SH3GL2: variants seen among roughly 807,000 people sequenced by gnomAD.
SH3GL2 encodes the protein endophilin-A1.
SH3GL2 carries 24 observed loss-of-function variants against 46.0 expected under a neutral mutation model. That is an observed-to-expected ratio of 0.52 (90% CI 0.38 to 0.73). The LOEUF (loss-of-function observed/expected upper bound fraction) is 0.73, where lower values mean the gene tolerates loss of function less well. Among genes scored for constraint, SH3GL2 ranks in the 30% least tolerant of loss-of-function variants. The pLI, the probability that SH3GL2 is intolerant of heterozygous loss-of-function variation, is 0.00. For synonymous variants in SH3GL2, 196 were observed against 147.1 expected, an observed-to-expected ratio of 1.33 and a Z score of -2.40; for missense variants, 413 against 424.2, an observed-to-expected ratio of 0.97 and a Z score of 0.23.
Position 17,623,108 on chromosome 9 carries a change from G to A in SH3GL2, c.45+43821G>A, listed in dbSNP as rs75320295. 9.8e-3 allele frequency among the ~76,000 whole-genome samples: 1,164 copies of A among 118,694 alleles called. 11 individuals are homozygous for A. The highest frequency in any genetic ancestry group is 0.013 in the Non-Finnish European group (788 of 62,754). The allele number at this position is 118,694 out of a possible 152,430, so 77.9% of individuals were successfully genotyped here. The stretch of plus-strand genomic sequence containing the variant: ...CTTCCCCTTTCCTATCTTTGCATTC[G>A]TTCTGCTTTAGTTCACTGTTTGGAA... On this transcript the variant is annotated intron_variant, in intron 1 of 8. Coordinates refer to ENST00000380607, the MANE Select transcript of SH3GL2 (RefSeq NM_003026.5).
At chr9:17,632,988 T>G (rs990458737) in intron 1 of SH3GL2, among the ~76,000 whole-genome samples, 5 of 152,206 alleles carry the variant, frequency 3.3e-5, no homozygotes, top group African/African-American at 1.2e-4. Context: ...TGGAGTTCTG[T>G]AGAGGAGCTG....
At chr9:17,606,738 A>C (rs1234908156) in intron 1 of SH3GL2, among the ~76,000 whole-genome samples, 2 of 152,154 alleles carry the variant, frequency 1.3e-5, no homozygotes, top group Non-Finnish European at 2.9e-5. Flanking sequence ...AAATTAGGGG[A>C]GTAAAGGTGA....
intron 1 of SH3GL2, among the ~76,000 whole-genome samples, chr9:17,730,267 T>C (rs1197632976): frequency 6.6e-6 from 1 of 152,056 alleles, no homozygotes; most frequent in Admixed American, 6.6e-5. Context: ...CTGTCTATTA[T>C]TGGTGTATGG....
At chr9:17,729,233 T>A (rs1246572235) in intron 1 of SH3GL2, among the ~76,000 whole-genome samples, 3 of 152,200 alleles carry the variant, frequency 2.0e-5, no homozygotes, top group Admixed American at 2.0e-4. Context: ...ATGAGCTTTT[T>A]TTCATATGTT....
At chr9:17,626,676 A>C (rs992594805) in intron 1 of SH3GL2, among the ~76,000 whole-genome samples, 3 of 152,126 alleles carry the variant, frequency 2.0e-5, no homozygotes, top group Non-Finnish European at 4.4e-5. Context: ...GCAAAATGTT[A>C]TATGTTTGTA....
intron 1 of SH3GL2, among the ~76,000 whole-genome samples, chr9:17,594,735 T>C (rs1053109648): frequency 2.6e-5 from 4 of 152,158 alleles, no homozygotes; most frequent in African/African-American, 9.7e-5. Flanking sequence ...CTTGATGGTA[T>C]CCTCTAGGGT....
chr9:17,579,300 G>A lies in SH3GL2; in HGVS notation c.45+13G>A. ...TAAAGCCACTCAGGTAAGGCGCGCG[G>A]CAGGTGCGTCCCGGGGCAGTCCGGG... On this transcript the variant is annotated intron_variant, in intron 1 of 8. Coordinates refer to ENST00000380607, the MANE Select transcript of SH3GL2 (RefSeq NM_003026.5). The A allele has an allele frequency of 6.4e-7, 1 of 1,554,242 alleles. No individual in the cohort carries two copies. Among genetic ancestry groups the A allele is most frequent in the Non-Finnish European group, 8.7e-7 (1 of 1,149,830 alleles).
intron 1 of SH3GL2, among the ~76,000 whole-genome samples, chr9:17,742,464 A>G (rs750544613): frequency 6.6e-6 from 1 of 152,146 alleles, no homozygotes; most frequent in Non-Finnish European, 1.5e-5. Flanking sequence ...TAAAATTAAG[A>G]CTTTTAATTT....
intron 1 of SH3GL2, among the ~76,000 whole-genome samples, chr9:17,607,341 A>T (rs1314701006): frequency 1.3e-5 from 2 of 152,232 alleles, no homozygotes; most frequent in East Asian, 3.8e-4. Context: ...AAACATATTT[A>T]AATGTAGAAA....
intron 1 of SH3GL2, among the ~76,000 whole-genome samples, chr9:17,618,599 G>C (rs1002290566): frequency 1.5e-4 from 23 of 152,152 alleles, no homozygotes; most frequent in African/African-American, 5.1e-4. Flanking sequence ...ACCTGGTTTT[G>C]TGTGAATGTT....
In SH3GL2 at chr9:17,725,097, C is replaced by T. The variant is rs1234777446; in HGVS notation, c.46-21969C>T. 4.6e-5 allele frequency among the ~76,000 whole-genome samples: 7 copies of T among 151,276 alleles called. 1 individual carries two copies. The South Asian group carries it at 1.3e-3, about 27-fold the overall frequency. ...ATTTTATTTTATTTTAACTCCCTTCCTAGGAGTCACCCCTGGGATAGAGTA... is the reference window on the plus strand; with the variant it reads ...ATTTTATTTTATTTTAACTCCCTTCTTAGGAGTCACCCCTGGGATAGAGTA... On this transcript the variant is annotated intron_variant, in intron 1 of 8. Transcript: ENST00000380607.
At chr9:17,705,076 A>G (rs1048152307) in intron 1 of SH3GL2, among the ~76,000 whole-genome samples, 2 of 152,018 alleles carry the variant, frequency 1.3e-5, no homozygotes, top group Admixed American at 6.6e-5. Context: ...TAAAAAATGC[A>G]CAAAAGACAT....
At chr9:17,781,860 T>C (rs1361386002) in intron 3 of SH3GL2, among the ~76,000 whole-genome samples, 1 of 152,106 alleles carries the variant, frequency 6.6e-6, no homozygotes, top group Non-Finnish European at 1.5e-5. Flanking sequence ...CCTTACTCTT[T>C]CAGGTGGAAT....
At chr9:17,599,667 C>T (rs936521194) in intron 1 of SH3GL2, among the ~76,000 whole-genome samples, 21 of 152,110 alleles carry the variant, frequency 1.4e-4, no homozygotes, top group African/African-American at 3.4e-4. Context: ...CTTTCTTTGA[C>T]GTGCTTACGG....
Position 17,579,099 on chromosome 9 carries a change from G to C in SH3GL2, c.-144G>C, listed in dbSNP as rs900192428. On this transcript the variant is annotated 5_prime_UTR_variant, in exon 1 of 9. Transcript: ENST00000380607. ...GTTTCTCCGCAAGAGCCCGTGTCCC[G>C]CTAGGCTCCGCGCCCTCGCGCCCAT... 2.7e-5 allele frequency: 14 copies of C among 510,304 alleles called. No individual in the cohort carries two copies. The highest frequency in any genetic ancestry group is 4.3e-5 in the Non-Finnish European group (13 of 300,482). The allele number at this position is 510,304 out of a possible 1,614,324, so 31.6% of individuals were successfully genotyped here.
intron 7 of SH3GL2, among the ~76,000 whole-genome samples, chr9:17,792,922 G>A (rs912667889): frequency 1.3e-5 from 2 of 152,136 alleles, no homozygotes; most frequent in East Asian, 1.9e-4. Flanking sequence ...TGAAAAAATT[G>A]TGGGTACATA....
At chr9:17,662,717 T>C (rs1011888040) in intron 1 of SH3GL2, among the ~76,000 whole-genome samples, 2 of 146,216 alleles carry the variant, frequency 1.4e-5, no homozygotes, top group African/African-American at 5.2e-5. Context: ...TTTTTTTTTT[T>C]TTTTTTTTTG....
chr9:17,615,150 A>C (rs549678831), intron 1 of SH3GL2, among the ~76,000 whole-genome samples: 12 of 152,320 alleles, frequency 7.9e-5, no homozygotes, highest in African/African-American at 2.9e-4. Flanking sequence ...TTATTGCACA[A>C]TTTGGTGAAT....
intron 1 of SH3GL2, among the ~76,000 whole-genome samples, chr9:17,730,545 A>G (rs925371752): frequency 5.9e-5 from 9 of 152,114 alleles, no homozygotes; most frequent in Admixed American, 5.2e-4. Flanking sequence ...CCGGTTTTCA[A>G]AGTGAATGCT....
Sources: allele counts gnomAD v4.1 joint callset (sites outside exome capture counted in the v4.1 genomes callset), GRCh38; gene constraint gnomAD v4.1.1; transcripts MANE v1.5; gene names NCBI Gene and HGNC (gene_info 2026-07-23, HGNC 2026-07-21).